The following ASIC5 variants were observed in gnomAD, a reference collection of about 807,000 sequenced individuals.
ASIC5 encodes acid sensing ion channel subunit family member 5.
In ASIC5, 52 loss-of-function variants were observed where a neutral mutation model predicts 51.2. The ratio of observed to expected loss-of-function variants is 1.02; its 90% CI spans 0.81 to 1.28. The LOEUF (loss-of-function observed/expected upper bound fraction) is 1.28, where lower values mean the gene tolerates loss of function less well. Among genes scored for constraint, ASIC5 ranks in the 50% most tolerant of loss-of-function variants. ASIC5 has a pLI of 0.00. For synonymous variants in ASIC5, 231 were observed against 200.7 expected, an observed-to-expected ratio of 1.15 and a Z score of -1.28; for missense variants, 635 against 595.0, an observed-to-expected ratio of 1.07 and a Z score of -0.70.
intron 1 of ASIC5, among the ~76,000 whole-genome samples, chr4:155,864,247 G>A (rs983455241): frequency 2.1e-4 from 32 of 152,112 alleles, no homozygotes; most frequent in African/African-American, 7.0e-4. Flanking sequence ...TTTCATTCTC[G>A]TATTCTTTAA....
At position 155,864,064 on chromosome 4, in the gene ASIC5, C is replaced by T. The variant is rs560588132; in HGVS notation, c.41-310G>A. ...TAAAACCAAGTTGGTTACAACAATT[C>T]ATAAACTTTAAATATTAACTCTTAT... is the stretch of plus-strand genomic sequence containing the variant. On this transcript the variant is annotated intron_variant, in intron 1 of 9. Transcript: ENST00000537611. Among the ~76,000 whole-genome samples the T allele has an allele frequency of 4.6e-5, 7 of 152,244 alleles. No homozygotes were observed. In the East Asian group the frequency reaches 1.4e-3, roughly 29 times the overall value.
intron 4 of ASIC5, among the ~76,000 whole-genome samples, chr4:155,846,058 A>G (rs924495693): frequency 6.6e-6 from 1 of 152,072 alleles, no homozygotes; most frequent in Non-Finnish European, 1.5e-5. Flanking sequence ...GGCTCTAATT[A>G]ATTGGCTTAA....
chr4:155,842,256 T>G lies in ASIC5; in HGVS notation c.960A>C (p.Lys320Asn). 1 of 1,613,786 alleles carries G rather than the reference T, an allele frequency of 6.2e-7. No homozygotes were observed. Among genetic ancestry groups the G allele is most frequent in the Non-Finnish European group, 8.5e-7 (1 of 1,179,792 alleles). ...YSTSGCLKECKAQHIKKQCGC... is the reference protein window; with the variant it reads ...YSTSGCLKECNAQHIKKQCGC... ...CACATTGCTTTTTTATGTGCTGGGC[T>G]TTGCATTCCTTCAAGCAACCAGAAG... is the stretch of plus-strand genomic sequence containing the variant. Residue 320 changes from lysine to asparagine, a missense_variant, in exon 6 of 10, where the codon AAA (lysine) becomes AAC (asparagine). Coordinates refer to ENST00000537611, the MANE Select transcript of ASIC5 (RefSeq NM_017419.3).
chr4:155,859,067 G>A (rs987147230), intron 2 of ASIC5, among the ~76,000 whole-genome samples: 15 of 152,028 alleles, frequency 9.9e-5, no homozygotes, highest in African/African-American at 3.6e-4. Flanking sequence ...CCCCTGAGAA[G>A]GTATGTGCCT....
intron 4 of ASIC5, among the ~76,000 whole-genome samples, chr4:155,850,340 C>A (rs1210140239): frequency 6.6e-6 from 1 of 151,946 alleles, no homozygotes; most frequent in Non-Finnish European, 1.5e-5. Context: ...TTGTCCCCAC[C>A]TTTCTGGATA....
chr4:155,861,835 C>T (rs1279325722), intron 2 of ASIC5, among the ~76,000 whole-genome samples: 1 of 152,002 alleles, frequency 6.6e-6, no homozygotes, highest in Non-Finnish European at 1.5e-5. Flanking sequence ...GTTCTCTCTT[C>T]TCCTTATAAG....
At chr4:155,842,461 A>T in intron 5 of ASIC5, 107 bp from the exon 6 acceptor site, 1 of 1,159,312 alleles carries the variant, frequency 8.6e-7, no homozygotes, top group Non-Finnish European at 1.2e-6. Flanking sequence ...GAGCTCTTTG[A>T]TTTTCAAAAC....
At chr4:155,859,757 T>C (rs1049445418) in intron 2 of ASIC5, among the ~76,000 whole-genome samples, 10 of 152,058 alleles carry the variant, frequency 6.6e-5, no homozygotes, top group African/African-American at 2.4e-4. Context: ...TCCATCCTCT[T>C]TTTACAATGG....
Position 155,829,812 on chromosome 4 carries a change from C to G in ASIC5, c.*44G>C. Reference sequence around the variant, plus strand: ...TAACAATGAATTAGTCAAGATAAATCTGAAGGTATCATGAAAAGGAAACTA... The same window carrying G: ...TAACAATGAATTAGTCAAGATAAATGTGAAGGTATCATGAAAAGGAAACTA... On this transcript the variant is annotated 3_prime_UTR_variant, in exon 10 of 10. Coordinates refer to ENST00000537611, the MANE Select transcript of ASIC5 (RefSeq NM_017419.3). 1 of 1,248,958 alleles carries G rather than the reference C, an allele frequency of 8.0e-7. No homozygotes were observed. The highest frequency in any genetic ancestry group is 1.1e-6 in the Non-Finnish European group (1 of 915,728). The allele number at this position is 1,248,958 out of a possible 1,614,324, so 77.4% of individuals were successfully genotyped here. A position where few individuals can be genotyped will look rare whatever the true frequency, so the allele number is the denominator to read the frequency against.
At chr4:155,847,215 T>C (rs547468466) in intron 4 of ASIC5, among the ~76,000 whole-genome samples, 2 of 152,192 alleles carry the variant, frequency 1.3e-5, no homozygotes, top group South Asian at 4.1e-4. Flanking sequence ...GTTGGTTTGC[T>C]TAGGAAAAAA....
At chr4:155,833,055 C>A (rs760090073) in intron 8 of ASIC5, among the ~76,000 whole-genome samples, 5 of 152,170 alleles carry the variant, frequency 3.3e-5, no homozygotes, top group Non-Finnish European at 7.4e-5. Flanking sequence ...TCACCAATTT[C>A]CATCCCAGTG....
intron 8 of ASIC5, 119 bp downstream of exon 8, chr4:155,836,570 A>G: frequency 3.4e-6 from 2 of 595,464 alleles, no homozygotes; most frequent in Admixed American, 2.9e-5. Context: ...AGTTCAGTGA[A>G]AAAAGCCATT....
In ASIC5 at chr4:155,842,226, A is replaced by T. The variant is rs1215781582; in HGVS notation, c.990T>A (p.Cys330Ter). 3.7e-6 allele frequency: 6 copies of T among 1,613,610 alleles called. No homozygotes were observed. The highest frequency in any genetic ancestry group is 5.1e-6 in the Non-Finnish European group (6 of 1,179,662). ...KAQHIKKQCG[C>*]VPFLLPGYGI... The stretch of plus-strand genomic sequence containing the variant: ...ATTTACCAGGAAGAAGAAAAGGCAC[A>T]CATCCACATTGCTTTTTTATGTGCT... Residue 330 changes from cysteine (C) to a stop codon, truncating the protein, a stop_gained, in exon 6 of 10, where the codon TGT becomes TGA. Transcript: ENST00000537611. LOFTEE classifies it high-confidence loss of function.
rs1469062004 is a variant in ASIC5, at chr4:155,863,578, C to G, written c.217G>C (p.Val73Leu). ...VLWLVVVLGSVSLVTWQIYIR... is the reference protein window; with the variant it reads ...VLWLVVVLGSLSLVTWQIYIR... ...TAGATCTGCCATGTCACAAGTGAGACTGAGCCCAGAACCACCACCAACCAG... is the reference window on the plus strand; with the variant it reads ...TAGATCTGCCATGTCACAAGTGAGAGTGAGCCCAGAACCACCACCAACCAG... The change falls in exon 2 of 10, where the codon GTC becomes CTC. Residue 73 changes from valine (V) to leucine (L), a missense_variant. Coordinates refer to ENST00000537611, the MANE Select transcript of ASIC5 (RefSeq NM_017419.3). 1 of 1,613,678 alleles carries G rather than the reference C, an allele frequency of 6.2e-7. No individual in the cohort carries two copies. The highest frequency in any genetic ancestry group is 1.1e-5 in the South Asian group (1 of 91,064).
Position 155,854,066 on chromosome 4 carries a change from A to G in ASIC5, c.585+11T>C. On this transcript the variant is annotated intron_variant, in intron 3 of 9. Coordinates refer to ENST00000537611, the MANE Select transcript of ASIC5 (RefSeq NM_017419.3). Reference sequence around the variant, plus strand: ...TACTTTGATTATATTTGAAGAATAGAAAATCGTTACCTTTGGGCTACATGG... The same window carrying G: ...TACTTTGATTATATTTGAAGAATAGGAAATCGTTACCTTTGGGCTACATGG... 6.3e-7 allele frequency: 1 copy of G among 1,576,742 alleles called. No homozygotes were observed. The highest frequency in any genetic ancestry group is 8.7e-7 in the Non-Finnish European group (1 of 1,149,614).
At chr4:155,837,832 A>G (rs1560741443) in intron 7 of ASIC5, among the ~76,000 whole-genome samples, 1 of 151,628 alleles carries the variant, frequency 6.6e-6, no homozygotes, top group Non-Finnish European at 1.5e-5. Context: ...CATGTACATA[A>G]TACTCTCTCA....
chr4:155,834,866 G>A (rs1488179616), intron 8 of ASIC5, among the ~76,000 whole-genome samples: 1 of 152,126 alleles, frequency 6.6e-6, no homozygotes, highest in East Asian at 1.9e-4. Context: ...GAGAAAGAGA[G>A]AAGAGAAGGC....
intron 2 of ASIC5, chr4:155,855,245 C>T (rs1218775042): frequency 1.3e-5 from 2 of 151,938 alleles, no homozygotes; most frequent in East Asian, 1.9e-4. Context: ...ATCTGTATAA[C>T]CTACCTCAAA....
At chr4:155,830,728 C>G (rs1480735663) in intron 9 of ASIC5, among the ~76,000 whole-genome samples, 2 of 152,128 alleles carry the variant, frequency 1.3e-5, no homozygotes, top group African/African-American at 4.8e-5. Context: ...AACTGAAACT[C>G]TGTACGCATT....
Sources: allele counts gnomAD v4.1 joint callset (sites outside exome capture counted in the v4.1 genomes callset), GRCh38; gene constraint gnomAD v4.1.1; transcripts MANE v1.5; gene names NCBI Gene and HGNC (gene_info 2026-07-23, HGNC 2026-07-21).